Variants in RECQL4 observed in about 807,000 individuals in gnomAD.
The protein encoded by RECQL4 is RecQ like helicase 4.
RECQL4 carries 158 observed loss-of-function variants against 128.6 expected under a neutral mutation model. The observed-to-expected ratio is 1.23, with a 90% CI of 1.08 to 1.40. The LOEUF is 1.40. RECQL4 is among the 40% of genes most tolerant of loss of function. RECQL4 has a pLI of 0.00. For synonymous variants in RECQL4, 996 were observed against 678.9 expected, an observed-to-expected ratio of 1.47 and a Z score of -7.26; for missense variants, 2,293 against 1,649.8, an observed-to-expected ratio of 1.39 and a Z score of -6.75.
At chr8:144,516,986 A>G in intron 4 of RECQL4, 64 bp downstream of exon 4, 1 of 1,551,298 alleles carries the variant, frequency 6.4e-7, no homozygotes, top group Non-Finnish European at 8.7e-7. Flanking sequence ...AAATGACAAG[A>G]GGGCGACCCG....
In RECQL4 at chr8:144,517,471, C is replaced by T. The variant is rs1399978369; in HGVS notation, c.156G>A (p.Thr52=). 2.5e-6 allele frequency: 4 copies of T among 1,596,644 alleles called. No homozygotes were observed. Among genetic ancestry groups the T allele is most frequent in the African/African-American group, 1.3e-5 (1 of 74,838 alleles). Residue 52 remains threonine, a synonymous_variant, in exon 3 of 21, where the codon ACG becomes ACA. Coordinates refer to ENST00000617875, the MANE Select transcript of RECQL4 (RefSeq NM_004260.4). ...YREYRTLKRT[T]GQAGGGLRSS... ...TGCGGAGCCCGCCGCCGGCCTGGCC[C>T]GTGGTACGCTTCAGAGTGCGGTATT...
rs531310005 is a variant in RECQL4, at chr8:144,515,785, C to T, written c.1237G>A (p.Ala413Thr). Residue 413 changes from alanine to threonine, a missense_variant, in exon 6 of 21, where the codon GCA (alanine) becomes ACA (threonine). By Grantham distance (58) the Ala-to-Thr change is moderately conservative. Transcript: ENST00000617875. ...CFLNEQFDHW[A>T]AQCPRPASEE... ...TCACCTGGCCGGGGACACTGGGCTG[C>T]CCAGTGATCGAACTGCTCGTTCAGG... is the stretch of plus-strand genomic sequence containing the variant. The T allele has an allele frequency of 4.7e-4, 763 of 1,612,490 alleles. 9 individuals are homozygous for T. The South Asian group carries it at 5.1e-3, about 11-fold the overall frequency.
rs1377108265 is a variant in RECQL4 at position 144,511,467 on chromosome 8, G to T, written c.3591C>A (p.Gly1197=). ...YLHLSFHALV[G]LATEELLQVA... ...CCTGCAGGAGCTCTTCCGTGGCCAG[G>T]CCCACCAGGGCATGGAAGCTCAGGT... Residue 1197 remains glycine, a synonymous_variant, in exon 21 of 21, where the codon GGC becomes GGA. Transcript: ENST00000617875. 6.2e-7 allele frequency: 1 copy of T among 1,612,410 alleles called. No homozygotes were observed. Among genetic ancestry groups the T allele is most frequent in the African/African-American group, 1.3e-5 (1 of 74,928 alleles).
rs2130706215 is a variant in RECQL4, at chr8:144,515,213, C to T, written c.1420G>A (p.Glu474Lys). 1 of 1,576,524 alleles carries T rather than the reference C, an allele frequency of 6.3e-7. No individual in the cohort carries two copies. Among genetic ancestry groups the T allele is most frequent in the Non-Finnish European group, 8.6e-7 (1 of 1,162,030 alleles). Reference sequence around the variant, plus strand: ...CGAAAGGCTTGGTGCCCCAGCTGCTCCAGGGCCTGGAACACCTCAGCCGGC... The same window carrying T: ...CGAAAGGCTTGGTGCCCCAGCTGCTTCAGGGCCTGGAACACCTCAGCCGGC... ...ETPAEVFQAL[E>K]QLGHQAFRPG... Residue 474 changes from glutamate (E) to lysine (K), a missense_variant, in exon 8 of 21, where the codon GAG becomes AAG. Coordinates refer to ENST00000617875, the MANE Select transcript of RECQL4 (RefSeq NM_004260.4).
intron 19 of RECQL4, 33 bp downstream of exon 19, chr8:144,511,877 AC>A (rs754952505): frequency 6.2e-7 from 1 of 1,609,854 alleles, no homozygotes; most frequent in South Asian, 1.1e-5. Flanking sequence ...GGAACCTGCA[AC>A]CCCGATGAGC....
At chr8:144,511,594 C>A in intron 20 of RECQL4, 39 bp from the exon 21 acceptor site, 1 of 1,608,026 alleles carries the variant, frequency 6.2e-7, no homozygotes, top group Non-Finnish European at 8.5e-7. Flanking sequence ...GCCCCAGCCC[C>A]AGCCTGCAGC....
At position 144,512,272 on chromosome 8, in the gene RECQL4, G is replaced by A; in HGVS notation, c.3108C>T (p.His1036=). 6.2e-7 allele frequency: 1 copy of A among 1,612,530 alleles called. No individual in the cohort carries two copies. The highest frequency in any genetic ancestry group is 2.2e-5 in the East Asian group (1 of 44,886). ...CGGTCAAGTCCCCCGGGCTGCGAAG[G>A]TGGAAGGCCAGCTCACTGAACTCCA... ...VLVEFSELAF[H]LRSPGDLTAE... is the part of the protein sequence containing the mutation. The change falls in exon 18 of 21, where the codon CAC becomes CAT. Residue 1036 remains histidine, a synonymous_variant. Coordinates refer to ENST00000617875, the MANE Select transcript of RECQL4 (RefSeq NM_004260.4).
Position 144,517,428 on chromosome 8 carries a change from C to A in RECQL4, c.199G>T (p.Ala67Ser), listed in dbSNP as rs1815343882. Residue 67 changes from alanine to serine, a missense_variant, in exon 3 of 21, where the codon GCG (alanine) becomes TCG (serine). Transcript: ENST00000617875. The stretch of plus-strand genomic sequence containing the variant: ...GGCCTGGGTACCTCTTCGGCCGCCG[C>A]GGGGAGCGACTCGGAGCTGCGGAGC... ...GGLRSSESLP[A>S]AAEEAPEPRC... 1.3e-6 allele frequency: 2 copies of A among 1,580,304 alleles called. No individual in the cohort carries two copies. Among genetic ancestry groups the A allele is most frequent in the Non-Finnish European group, 1.7e-6 (2 of 1,168,654 alleles).
At chr8:144,511,877 A>G in intron 19 of RECQL4, 34 bp downstream of exon 19, 2 of 1,609,858 alleles carry the variant, frequency 1.2e-6, no homozygotes, top group African/African-American at 1.3e-5. Context: ...GGAACCTGCA[A>G]CCCCGATGAG....
At position 144,515,528 on chromosome 8, in the gene RECQL4, C is replaced by T. The variant is rs1025216531; in HGVS notation, c.1259-71G>A. 422 of 1,605,030 alleles carry T rather than the reference C, an allele frequency of 2.6e-4. 2 individuals carry two copies. The highest frequency in any genetic ancestry group is 3.2e-4 in the Non-Finnish European group (375 of 1,174,514). On this transcript the variant is annotated intron_variant, in intron 6 of 20. Transcript: ENST00000617875. ...AGACAACCACTGGCCACAACCTCTC[C>T]TTCCCCCAAAGGGGGTTGGCAGCAG...
chr8:144,513,019 G>T lies in RECQL4; in HGVS notation c.2583C>A (p.Pro861=). The T allele has an allele frequency of 6.4e-7, 1 of 1,571,930 alleles. No individual in the cohort carries two copies. ...CACCCACGGCCCCTTCCTGCTCCGA[G>T]GGCGGCCTGGTGCAGGTGCAGGTGC... ...PACTCTCTRP[P]SEQEGAVGGE... Residue 861 remains proline (P), a synonymous_variant, in exon 15 of 21, where the codon CCC becomes CCA. Coordinates refer to ENST00000617875, the MANE Select transcript of RECQL4 (RefSeq NM_004260.4).
rs915387235 is a variant in RECQL4, at chr8:144,516,115, C to T, written c.1004G>A (p.Gly335Asp). 1.9e-6 allele frequency: 3 copies of T among 1,612,930 alleles called. No homozygotes were observed. The highest frequency in any genetic ancestry group is 2.5e-6 in the Non-Finnish European group (3 of 1,179,868). The change falls in exon 5 of 21, where the codon GGC becomes GAC. Residue 335 changes from glycine to aspartate, a missense_variant. By Grantham distance (94) the Gly-to-Asp change is moderately conservative. Transcript: ENST00000617875. ...SSQARAGKAE[G>D]TAPLHIFPRL... ...AGGGAAGATGTGCAGGGGGGCTGTG[C>T]CCTCAGCCTTCCCAGCCCTAGCTTG...
Position 144,512,925 on chromosome 8 carries a change from G to A in RECQL4, c.2677C>T (p.Pro893Ser), listed in dbSNP as rs1264247879. The A allele has an allele frequency of 6.3e-6, 10 of 1,581,842 alleles. No individual in the cohort carries two copies. The highest frequency in any genetic ancestry group is 7.7e-6 in the Non-Finnish European group (9 of 1,164,238). ...TCATGGCCCATGCAGACCCTTCTGG[G>A]TCCTGGGGCTGCTTGGTGGCTAAGC... ...EQLSHQAAPG[P>S]RRVCMGHERA... The change falls in exon 15 of 21, where the codon CCC (proline) becomes TCC (serine). Residue 893 changes from proline to serine, a missense_variant. Coordinates refer to ENST00000617875, the MANE Select transcript of RECQL4 (RefSeq NM_004260.4).
chr8:144,511,422 G>C lies in RECQL4; in HGVS notation c.*9C>G, dbSNP rs55805048. The C allele has an allele frequency of 2.1e-5, 34 of 1,611,978 alleles. No homozygotes were observed. The African/African-American group carries it at 3.7e-4, about 18-fold the overall frequency. On this transcript the variant is annotated 3_prime_UTR_variant, in exon 21 of 21. Transcript: ENST00000617875. Reference sequence around the variant, plus strand: ...CCAGCTCTACCCGACATCCCCCAATGCAGTGCAGTCAGCGGGCCACCTGCA... The same window carrying C: ...CCAGCTCTACCCGACATCCCCCAATCCAGTGCAGTCAGCGGGCCACCTGCA...
chr8:144,512,221 G>C lies in RECQL4; in HGVS notation c.3159C>G (p.Asp1053Glu), dbSNP rs763131728. Residue 1053 changes from aspartate to glutamate, a missense_variant, in exon 18 of 21, where the codon GAC becomes GAG. Coordinates refer to ENST00000617875, the MANE Select transcript of RECQL4 (RefSeq NM_004260.4). ...LTAEEKDQICDFLYGRVQARE... is the reference protein window; with the variant it reads ...LTAEEKDQICEFLYGRVQARE... ...GGGCCTGCACACGGCCATAGAGGAA[G>C]TCACATATCTGGTCCTTCTCCTCAG... 6.2e-7 allele frequency: 1 copy of C among 1,612,456 alleles called. No individual in the cohort carries two copies. The highest frequency in any genetic ancestry group is 8.5e-7 in the Non-Finnish European group (1 of 1,179,750).
Position 144,516,279 on chromosome 8 carries a change from G to A in RECQL4, c.840C>T (p.Ser280=), listed in dbSNP as rs1407076588. 8 of 1,611,492 alleles carry A rather than the reference G, an allele frequency of 5.0e-6. No individual in the cohort carries two copies. Among genetic ancestry groups the A allele is most frequent in the Middle Eastern group, 3.3e-4 (2 of 6,068 alleles). The change falls in exon 5 of 21, where the codon AGC becomes AGT. Residue 280 remains serine, a synonymous_variant. Coordinates refer to ENST00000617875, the MANE Select transcript of RECQL4 (RefSeq NM_004260.4). ...ESPAQVQQES[S]QAGPPSEGAG... is the part of the protein sequence containing the mutation. Reference sequence around the variant, plus strand: ...CCCCCTCCGATGGGGGTCCAGCTTGGCTGCTCTCCTGCTGGACCTGTGCGG... The same window carrying A: ...CCCCCTCCGATGGGGGTCCAGCTTGACTGCTCTCCTGCTGGACCTGTGCGG...
Position 144,515,191 on chromosome 8 carries a change from A to C in RECQL4, c.1442T>G (p.Phe481Cys), listed in dbSNP as rs1586816237. ...GACTGCACGCTCCTGCCCAGGGCGAAAGGCTTGGTGCCCCAGCTGCTCCAG... is the reference window on the plus strand; with the variant it reads ...GACTGCACGCTCCTGCCCAGGGCGACAGGCTTGGTGCCCCAGCTGCTCCAG... ...QALEQLGHQA[F>C]RPGQERAVMR... The change falls in exon 8 of 21, where the codon TTT becomes TGT. Residue 481 changes from phenylalanine (F) to cysteine (C), a missense_variant. Transcript: ENST00000617875. The C allele has an allele frequency of 7.6e-6, 12 of 1,569,020 alleles. No homozygotes were observed. Among genetic ancestry groups the C allele is most frequent in the Non-Finnish European group, 1.0e-5 (12 of 1,157,924 alleles).
chr8:144,517,258 C>T lies in RECQL4; in HGVS notation c.214-68G>A, dbSNP rs1025554986. The T allele has an allele frequency of 3.3e-6, 5 of 1,525,384 alleles. No homozygotes were observed. In the African/African-American group the frequency reaches 6.9e-5, roughly 21 times the overall value. The allele number at this position is 1,525,384 out of a possible 1,614,324, so 94.5% of individuals were successfully genotyped here. On this transcript the variant is annotated intron_variant, in intron 3 of 20. Coordinates refer to ENST00000617875, the MANE Select transcript of RECQL4 (RefSeq NM_004260.4). ...GGCGGCAGAAGCGCTCCCAGCCACC[C>T]CTCCCGCACCTGGAGCGAGGCCCGG... is the stretch of plus-strand genomic sequence containing the variant.
At position 144,512,301 on chromosome 8, in the gene RECQL4, G is replaced by A. The variant is rs767057306; in HGVS notation, c.3079C>T (p.Leu1027Phe). 2.5e-6 allele frequency: 4 copies of A among 1,612,460 alleles called. No individual in the cohort carries two copies. In the South Asian group the frequency reaches 3.3e-5, roughly 13 times the overall value. Residue 1027 changes from leucine to phenylalanine, a missense_variant, in exon 18 of 21, where the codon CTT becomes TTT. Transcript: ENST00000617875. ...RTGVRRGTGVLVEFSELAFHL... is the reference protein window; with the variant it reads ...RTGVRRGTGVFVEFSELAFHL... Reference sequence around the variant, plus strand: ...AAGGCCAGCTCACTGAACTCCACAAGCACCCCTGTCCCACGCCGCACACCT... The same window carrying A: ...AAGGCCAGCTCACTGAACTCCACAAACACCCCTGTCCCACGCCGCACACCT...
Sources: allele counts gnomAD v4.1 joint callset, GRCh38; gene constraint gnomAD v4.1.1; transcripts MANE v1.5; gene names NCBI Gene and HGNC (gene_info 2026-07-23, HGNC 2026-07-21).